The following MCTP2 variants were observed in gnomAD, a reference collection of about 807,000 sequenced individuals.
MCTP2 encodes multiple C2 and transmembrane domain containing 2, also known as multiple C2 and transmembrane domain-containing protein 2.
In MCTP2, 132 loss-of-function variants were observed where a neutral mutation model predicts 111.6. The observed-to-expected ratio is 1.18, with a 90% CI of 1.03 to 1.37. The LOEUF (loss-of-function observed/expected upper bound fraction) is 1.37, where lower values mean the gene tolerates loss of function less well. Ranked by LOEUF, MCTP2 falls within the 40% of genes most tolerant of loss-of-function variation. MCTP2 has a pLI of 0.00. For missense variants in MCTP2, 1,183 were observed against 1,067.9 expected, an observed-to-expected ratio of 1.11 and a Z score of -1.50; for synonymous variants, 395 against 387.7, an observed-to-expected ratio of 1.02 and a Z score of -0.22.
chr15:94,400,001 T>C lies in MCTP2; in HGVS notation c.1965+6T>C, dbSNP rs945093371. On this transcript the variant is annotated splice_donor_region_variant and intron_variant, in intron 16 of 22. Transcript: ENST00000357742. ...GCCGCAAGCTGTCCAAAAAGGTGGG[T>C]CGCTACAGTAGGTGGCTTGTTGATT... 1 of 1,613,762 alleles carries C rather than the reference T, an allele frequency of 6.2e-7. No individual in the cohort carries two copies. Among genetic ancestry groups the C allele is most frequent in the Non-Finnish European group, 8.5e-7 (1 of 1,179,742 alleles).
chr15:94,260,230 G>T (rs1408593586), intron 1 of MCTP2, among the ~76,000 whole-genome samples: 2 of 152,072 alleles, frequency 1.3e-5, no homozygotes, highest in African/African-American at 2.4e-5. Context: ...ATTCCTCCCC[G>T]ACTCAGGATC....
At chr15:94,402,435 T>G in intron 17 of MCTP2, 1 of 1,542,606 alleles carries the variant, frequency 6.5e-7, no homozygotes, top group Non-Finnish European at 8.7e-7. Flanking sequence ...TGTTTATTCA[T>G]TTCAAGCCAG....
At position 94,276,469 on chromosome 15, in the gene MCTP2, G is replaced by A. The variant is rs17547719; in HGVS notation, c.-65-21732G>A. Among the ~76,000 whole-genome samples, 68 of 151,836 alleles carry A rather than the reference G, an allele frequency of 4.5e-4. 1 individual carries two copies. The South Asian group carries it at 0.013, about 29-fold the overall frequency. ...CAGGCAATTTTATAGGTAAGTTCTA[G>A]CAATTAAGTAAGAAATTCCACTCTT... On this transcript the variant is annotated intron_variant, in intron 1 of 22. Transcript: ENST00000357742.
At chr15:94,279,125 T>G (rs756523082) in intron 1 of MCTP2, among the ~76,000 whole-genome samples, 4 of 152,202 alleles carry the variant, frequency 2.6e-5, no homozygotes, top group Non-Finnish European at 5.9e-5. Context: ...CATAGGAATT[T>G]TAGAATAGTT....
At chr15:94,477,114 A>G (rs2074430424) in intron 22 of MCTP2, among the ~76,000 whole-genome samples, 1 of 152,198 alleles carries the variant, frequency 6.6e-6, no homozygotes, top group African/African-American at 2.4e-5. Flanking sequence ...GTAGAATTGC[A>G]TGAGATCCAA....
intron 7 of MCTP2, chr15:94,343,188 G>T (rs2077759381): frequency 6.6e-6 from 1 of 151,914 alleles, no homozygotes; most frequent in Non-Finnish European, 1.5e-5. Flanking sequence ...GCCATGTGTG[G>T]TTATTCAGCT....
intron 4 of MCTP2, among the ~76,000 whole-genome samples, chr15:94,332,113 T>C (rs2077158493): frequency 6.6e-6 from 1 of 152,198 alleles, no homozygotes; most frequent in Non-Finnish European, 1.5e-5. Flanking sequence ...AGAAGTTCCT[T>C]CTTTCTCAGA....
rs139973223 is a variant in MCTP2 at position 94,267,220 on chromosome 15, A to G, written c.-65-30981A>G. 2.2e-3 allele frequency among the ~76,000 whole-genome samples: 329 copies of G among 152,304 alleles called. 1 individual carries two copies. Among genetic ancestry groups the G allele is most frequent in the African/African-American group, 7.8e-3 (326 of 41,558 alleles). ...TCAAAAGTTTCCCTGTCCCTGTTGC[A>G]GTCAATTCCTTCCCCTTAGCAAGCA... On this transcript the variant is annotated intron_variant, in intron 1 of 22. Transcript: ENST00000357742.
At chr15:94,302,828 A>ATATTAGTCC (rs1354830506) in intron 2 of MCTP2, among the ~76,000 whole-genome samples, 1 of 151,944 alleles carries the variant, frequency 6.6e-6, no homozygotes, top group Non-Finnish European at 1.5e-5. Context: ...CTTACCTATC[A>ATATTAGTCC]TATTAGTCCA....
At chr15:94,445,482 C>G (rs1022226179) in intron 19 of MCTP2, among the ~76,000 whole-genome samples, 2 of 152,080 alleles carry the variant, frequency 1.3e-5, no homozygotes, top group African/African-American at 4.8e-5. Context: ...CATCCTTGTC[C>G]ATCTCTTTTC....
chr15:94,412,683 C>G (rs2082205061), intron 17 of MCTP2, among the ~76,000 whole-genome samples: 2 of 152,018 alleles, frequency 1.3e-5, no homozygotes, highest in South Asian at 4.2e-4. Context: ...AGTATTGCTT[C>G]TTCAGCTAAG....
intron 12 of MCTP2, among the ~76,000 whole-genome samples, chr15:94,380,565 TG>T (rs762032659): frequency 1.2e-4 from 18 of 152,026 alleles, no homozygotes; most frequent in Non-Finnish European, 2.2e-4. Flanking sequence ...GTCAGGAATT[TG>T]AGACCAGCCT....
At chr15:94,431,996 T>A (rs1218626614) in intron 17 of MCTP2, among the ~76,000 whole-genome samples, 2 of 152,188 alleles carry the variant, frequency 1.3e-5, no homozygotes, top group Admixed American at 6.5e-5. Flanking sequence ...TAAAAGAGAT[T>A]TAGAATCTTC....
rs368127575 is a variant in MCTP2 at position 94,245,192 on chromosome 15, ATG to A, written c.-66+13530_-66+13531del. On this transcript the variant is annotated intron_variant, in intron 1 of 22. Transcript: ENST00000357742. The stretch of plus-strand genomic sequence containing the variant: ...CACATGTATAGATTTATACACACAT[ATG>A]TATGTATATATTTATACATATGTGT... 6.1e-3 allele frequency among the ~76,000 whole-genome samples: 889 copies of A among 144,602 alleles called. 5 individuals carry two copies. Among genetic ancestry groups the A allele is most frequent in the African/African-American group, 0.021 (850 of 40,008 alleles). 94.9% of individuals were successfully genotyped at this position (144,602 alleles called of 152,430 possible). A position where few individuals can be genotyped will look rare whatever the true frequency, so the allele number is the denominator to read the frequency against.
chr15:94,321,604 G>T lies in MCTP2; in HGVS notation c.637+5967G>T, dbSNP rs117961633. On this transcript the variant is annotated intron_variant, in intron 4 of 22. Transcript: ENST00000357742. ...TCCCCCGTCATTGAATTAGATGCTT[G>T]GTCCCTAACTTGTGTCAGTTTGCCA... 4.6e-3 allele frequency among the ~76,000 whole-genome samples: 698 copies of T among 152,266 alleles called. 3 individuals carry two copies. Among genetic ancestry groups the T allele is most frequent in the South Asian group, 6.8e-3 (33 of 4,828 alleles).
At chr15:94,311,355 A>G (rs2076132352) in intron 2 of MCTP2, among the ~76,000 whole-genome samples, 2 of 152,108 alleles carry the variant, frequency 1.3e-5, no homozygotes, top group Admixed American at 1.3e-4. Context: ...ATCTCGTAAT[A>G]TTGGTATTCT....
intron 1 of MCTP2, among the ~76,000 whole-genome samples, chr15:94,241,432 T>C (rs1468546055): frequency 6.6e-6 from 1 of 152,148 alleles, no homozygotes; most frequent in East Asian, 1.9e-4. Flanking sequence ...GTTTGTGCAA[T>C]TTTGGTCGTT....
intron 8 of MCTP2, among the ~76,000 whole-genome samples, chr15:94,350,351 G>A (rs2078237716): frequency 1.3e-5 from 2 of 152,178 alleles, no homozygotes; most frequent in African/African-American, 4.8e-5. Flanking sequence ...ACTTTGGGAG[G>A]CCGAGTCAGG....
chr15:94,289,316 A>G (rs1376440853), intron 1 of MCTP2, among the ~76,000 whole-genome samples: 1 of 152,246 alleles, frequency 6.6e-6, no homozygotes, highest in Admixed American at 6.5e-5. Context: ...CCAGGAGAAA[A>G]TGGCACATCC....
Sources: allele counts gnomAD v4.1 joint callset (sites outside exome capture counted in the v4.1 genomes callset), GRCh38; gene constraint gnomAD v4.1.1; transcripts MANE v1.5; gene names NCBI Gene and HGNC (gene_info 2026-07-23, HGNC 2026-07-21).